The following VPS13B variants were observed in gnomAD, a reference collection of about 807,000 sequenced individuals.
The protein encoded by VPS13B is vacuolar protein sorting 13 homolog B.
A neutral mutation model predicts 426.4 loss-of-function variants in VPS13B; 285 were observed. The ratio of observed to expected loss-of-function variants is 0.67; its 90% CI spans 0.61 to 0.74. The LOEUF is 0.74. VPS13B is among the 30% of genes least tolerant of loss of function. The pLI is 0.00. For synonymous variants in VPS13B, 1,676 were observed against 1,676.4 expected, an observed-to-expected ratio of 1.00 and a Z score of 0.01; for missense variants, 4,537 against 4,782.6, an observed-to-expected ratio of 0.95 and a Z score of 1.51.
chr8:99,605,170 A>G lies in VPS13B; in HGVS notation c.5220+27537A>G, dbSNP rs192533410. Among the ~76,000 whole-genome samples the G allele has an allele frequency of 1.2e-4, 19 of 152,300 alleles. No individual in the cohort carries two copies. The East Asian group carries it at 2.9e-3, about 23-fold the overall frequency. ...ATGTTGATGACCTGAGGGAAAACCC[A>G]TGACTGACCTCCAGTGGTAATATGT... is the stretch of plus-strand genomic sequence containing the variant. On this transcript the variant is annotated intron_variant, in intron 33 of 61. Coordinates refer to ENST00000357162, the MANE Select transcript of VPS13B (RefSeq NM_152564.5).
intron 40 of VPS13B, among the ~76,000 whole-genome samples, chr8:99,768,923 A>G (rs897942286): frequency 1.2e-4 from 18 of 152,230 alleles, no homozygotes; most frequent in African/African-American, 4.3e-4. Flanking sequence ...GAGTTTCATT[A>G]ATAGTATCAA....
intron 34 of VPS13B, among the ~76,000 whole-genome samples, chr8:99,652,009 C>T (rs972359963): frequency 6.6e-6 from 1 of 152,114 alleles, no homozygotes; most frequent in African/African-American, 2.4e-5. Context: ...GACTAAAATA[C>T]AGAAGTTAAA....
chr8:99,399,639 A>G (rs1330931091), intron 21 of VPS13B, among the ~76,000 whole-genome samples: 1 of 152,216 alleles, frequency 6.6e-6, no homozygotes, highest in African/African-American at 2.4e-5. Flanking sequence ...AGCCGTATCT[A>G]TCAAATGCAT....
In VPS13B at chr8:99,360,120, A is replaced by ATCTATCTT. The variant is rs1812422490; in HGVS notation, c.2825-24085_2825-24084insATCTTTCT. Among the ~76,000 whole-genome samples the ATCTATCTT allele has an allele frequency of 2.6e-4, 16 of 62,342 alleles. 2 individuals carry two copies. The highest frequency in any genetic ancestry group is 3.7e-4 in the African/African-American group (6 of 16,106). The allele number at this position is 62,342 out of a possible 152,430, so 40.9% of individuals were successfully genotyped here. ...CCCAACCTGTTTTTTTTTTTTCCTT[A>ATCTATCTT]TCTTTCTTTCTTTCTTTCTTTCTTT... On this transcript the variant is annotated intron_variant, in intron 19 of 61. Transcript: ENST00000357162.
At chr8:99,632,963 T>A (rs916019061) in intron 33 of VPS13B, among the ~76,000 whole-genome samples, 1 of 152,014 alleles carries the variant, frequency 6.6e-6, no homozygotes, top group Non-Finnish European at 1.5e-5. Flanking sequence ...CCAGGTTTTT[T>A]AAATTAAATA....
intron 31 of VPS13B, among the ~76,000 whole-genome samples, chr8:99,573,130 G>T (rs1029725639): frequency 6.6e-5 from 10 of 152,228 alleles, no homozygotes; most frequent in African/African-American, 9.6e-5. Flanking sequence ...CATATCTTTT[G>T]CCCACTTTTT....
intron 17 of VPS13B, among the ~76,000 whole-genome samples, chr8:99,203,264 ACGTGATT>A (rs1814466865): frequency 6.6e-6 from 1 of 152,188 alleles, no homozygotes; most frequent in African/African-American, 2.4e-5. Context: ...GACAAAAACC[ACGTGATT>A]ATCTCAATAG....
At chr8:99,427,273 A>G (rs1391716137) in intron 21 of VPS13B, among the ~76,000 whole-genome samples, 1 of 105,970 alleles carries the variant, frequency 9.4e-6, no homozygotes, top group Non-Finnish European at 1.9e-5. Context: ...ATTGATCTAT[A>G]TCTCTGTTTT....
At chr8:99,672,280 A>G (rs140427427) in intron 35 of VPS13B, among the ~76,000 whole-genome samples, 11 of 152,236 alleles carry the variant, frequency 7.2e-5, no homozygotes, top group Admixed American at 2.6e-4. Flanking sequence ...TGAACACAGG[A>G]TATCTTTCCA....
intron 2 of VPS13B, among the ~76,000 whole-genome samples, chr8:99,022,051 T>C (rs1047025253): frequency 4.6e-5 from 7 of 152,120 alleles, no homozygotes; most frequent in African/African-American, 1.4e-4. Flanking sequence ...TTTATTAATA[T>C]TTTCAAAGAA....
intron 35 of VPS13B, among the ~76,000 whole-genome samples, chr8:99,665,184 AT>A (rs916964031): frequency 6.6e-6 from 1 of 152,024 alleles, no homozygotes; most frequent in Non-Finnish European, 1.5e-5. Context: ...TTTCTTATAA[AT>A]TTGTTTGAGT....
In VPS13B at chr8:99,816,347, C is replaced by T. The variant is rs191521498; in HGVS notation, c.8098-1193C>T. The stretch of plus-strand genomic sequence containing the variant: ...GAACTCCCGACCTCAGGTGATCCAC[C>T]TGCCTTGGCCTCCCAAACTGCTGGG... On this transcript the variant is annotated intron_variant, in intron 44 of 61. Transcript: ENST00000357162. Among the ~76,000 whole-genome samples the T allele has an allele frequency of 4.3e-3, 652 of 152,278 alleles. 7 individuals are homozygous for T. Among genetic ancestry groups the T allele is most frequent in the African/African-American group, 0.015 (628 of 41,556 alleles).
At chr8:99,375,587 C>T (rs1454420578) in intron 19 of VPS13B, among the ~76,000 whole-genome samples, 1 of 152,208 alleles carries the variant, frequency 6.6e-6, no homozygotes, top group Non-Finnish European at 1.5e-5. Context: ...GTTGGCAGCT[C>T]ATCACTGCTC....
intron 48 of VPS13B, 83 bp from the exon 49 acceptor site, chr8:99,819,838 G>A (rs1350161062): frequency 1.3e-6 from 2 of 1,522,612 alleles, no homozygotes; most frequent in Non-Finnish European, 1.8e-6. Flanking sequence ...GGAGCATGGT[G>A]TGTTTGGAAT....
intron 13 of VPS13B, among the ~76,000 whole-genome samples, chr8:99,143,536 C>G (rs1377018373): frequency 6.6e-6 from 1 of 151,992 alleles, no homozygotes; most frequent in Non-Finnish European, 1.5e-5. Flanking sequence ...AAAACTTAGG[C>G]ACTGCTGGTT....
At chr8:99,192,410 C>G (rs569200168) in intron 16 of VPS13B, among the ~76,000 whole-genome samples, 1 of 152,144 alleles carries the variant, frequency 6.6e-6, no homozygotes, top group East Asian at 1.9e-4. Context: ...ACATTTCATA[C>G]CTTAATATAT....
intron 17 of VPS13B, among the ~76,000 whole-genome samples, chr8:99,259,116 TG>T (rs1258049938): frequency 6.6e-6 from 1 of 152,072 alleles, no homozygotes; most frequent in Non-Finnish European, 1.5e-5. Context: ...ATGATTACTG[TG>T]TGAAGTAGCT....
intron 31 of VPS13B, among the ~76,000 whole-genome samples, chr8:99,562,436 G>C (rs1588497784): frequency 6.6e-6 from 1 of 152,046 alleles, no homozygotes; most frequent in African/African-American, 2.4e-5. Context: ...ATCTGCCACT[G>C]TGCCCTGCCA....
intron 40 of VPS13B, among the ~76,000 whole-genome samples, chr8:99,769,449 C>T (rs183208467): frequency 6.6e-6 from 1 of 151,996 alleles, no homozygotes; most frequent in Admixed American, 6.6e-5. Flanking sequence ...TAAATCTGGA[C>T]AAAAACCTGG....
Sources: gnomAD v4.1 joint callset for allele counts (sites outside exome capture counted in the v4.1 genomes callset) on GRCh38, gnomAD v4.1.1 for gene constraint, MANE v1.5 for transcripts, NCBI Gene and HGNC (gene_info 2026-07-23, HGNC 2026-07-21) for gene names.